The following P2RY12 variants were observed in gnomAD, a reference collection of about 807,000 sequenced individuals.
The protein encoded by P2RY12 is purinergic receptor P2Y12, also known as P2Y purinoceptor 12.
Under a neutral mutation model 4.5 loss-of-function variants are expected in P2RY12, and 3 were observed. The observed-to-expected ratio is 0.67, with a 90% CI of 0.31 to 1.74. The LOEUF (loss-of-function observed/expected upper bound fraction) is 1.74. P2RY12 is among the 40% of genes most tolerant of loss of function. The pLI is 0.09. For synonymous variants in P2RY12, 148 were observed against 154.1 expected, an observed-to-expected ratio of 0.96 and a Z score of 0.29; for missense variants, 356 against 407.8, an observed-to-expected ratio of 0.87 and a Z score of 1.09.
intron 1 of P2RY12, among the ~76,000 whole-genome samples, chr3:151,370,818 A>T (rs375743037): frequency 6.6e-6 from 1 of 152,242 alleles, no homozygotes; most frequent in Non-Finnish European, 1.5e-5. Context: ...TAAATGACAA[A>T]TATGCTAATG....
intron 1 of P2RY12, among the ~76,000 whole-genome samples, chr3:151,345,326 T>G (rs1214579648): frequency 3.3e-5 from 5 of 152,170 alleles, no homozygotes; most frequent in African/African-American, 1.2e-4. Flanking sequence ...GAGTAATTTT[T>G]GGGTGTTTAT....
Position 151,337,953 on chromosome 3 carries a change from T to C in P2RY12, c.893A>G (p.Tyr298Cys), listed in dbSNP as rs780595507. Reference protein sequence around the residue: ...SLNACLDPFIYFFLCKSFRNS... With the variant: ...SLNACLDPFICFFLCKSFRNS... Reference sequence around the variant, plus strand: ...TCTGAAGGACTTGCAAAGGAAAAAATAGATGAACGGATCCAGGCATGCATT... The same window carrying C: ...TCTGAAGGACTTGCAAAGGAAAAAACAGATGAACGGATCCAGGCATGCATT... The change falls in exon 3 of 3, where the codon TAT (tyrosine) becomes TGT (cysteine). Residue 298 changes from tyrosine (Y) to cysteine (C), a missense_variant. Transcript: ENST00000302632. 54 of 1,613,912 alleles carry C rather than the reference T, an allele frequency of 3.3e-5. No homozygotes were observed. Among genetic ancestry groups the C allele is most frequent in the Non-Finnish European group, 4.3e-5 (51 of 1,180,002 alleles).
intron 1 of P2RY12, among the ~76,000 whole-genome samples, chr3:151,348,464 C>A (rs1257092918): frequency 1.3e-5 from 2 of 151,822 alleles, no homozygotes; most frequent in Non-Finnish European, 2.9e-5. Context: ...CTAGGGATCA[C>A]TGCTTATGTC....
chr3:151,370,121 C>G (rs905425144), intron 1 of P2RY12, among the ~76,000 whole-genome samples: 10 of 151,964 alleles, frequency 6.6e-5, no homozygotes, highest in African/African-American at 2.4e-4. Context: ...TCATAATGTC[C>G]AAGATGTTCT....
At chr3:151,369,623 A>T (rs1168740711) in intron 1 of P2RY12, 2 of 977,154 alleles carry the variant, frequency 2.0e-6, no homozygotes, top group Non-Finnish European at 3.1e-6. Flanking sequence ...TTTCAGGTTT[A>T]AATCTAGTAG....
At chr3:151,344,058 A>G (rs1275886761) in intron 1 of P2RY12, among the ~76,000 whole-genome samples, 1 of 152,158 alleles carries the variant, frequency 6.6e-6, no homozygotes, top group Non-Finnish European at 1.5e-5. Flanking sequence ...AACAGGTTCC[A>G]AAAGTAACGA....
intron 1 of P2RY12, among the ~76,000 whole-genome samples, chr3:151,351,675 T>C (rs1753252754): frequency 6.6e-6 from 1 of 152,128 alleles, no homozygotes. Flanking sequence ...TACTTGGCAA[T>C]GGGGTAGGGG....
Position 151,349,968 on chromosome 3 carries a change from T to C in P2RY12, c.-179-9208A>G, listed in dbSNP as rs1036899547. On this transcript the variant is annotated intron_variant, in intron 1 of 2. Coordinates refer to ENST00000302632, the MANE Select transcript of P2RY12 (RefSeq NM_022788.5). ...GGGATGCCACCACCGCAAGCCAGCA[T>C]GGAGGTGCTGTGGTCAGTGCATTTC... is the stretch of plus-strand genomic sequence containing the variant. The C allele has an allele frequency of 3.1e-5, 37 of 1,183,216 alleles. 2 individuals carry two copies. The highest frequency in any genetic ancestry group is 2.3e-4 in the South Asian group (13 of 56,476). 73.3% of individuals were successfully genotyped at this position (1,183,216 alleles called of 1,614,324 possible).
chr3:151,361,267 C>G (rs1754580959), intron 1 of P2RY12, among the ~76,000 whole-genome samples: 1 of 152,060 alleles, frequency 6.6e-6, no homozygotes, highest in Admixed American at 6.6e-5. Context: ...TGCTGTTTAG[C>G]AGGTAACTTT....
At chr3:151,351,490 T>G (rs992949163) in intron 1 of P2RY12, among the ~76,000 whole-genome samples, 7 of 152,214 alleles carry the variant, frequency 4.6e-5, no homozygotes, top group African/African-American at 1.7e-4. Context: ...AACCTTCTTG[T>G]TGATGTGTCA....
In P2RY12 at chr3:151,361,967, G is replaced by A. The variant is rs183082024; in HGVS notation, c.-179-21207C>T. On this transcript the variant is annotated intron_variant, in intron 1 of 2. Transcript: ENST00000302632. ...TACTATAGATGGGTAGGAGGAGAGT[G>A]GTAGAAGGTAATAGCTAAGAAAACA... Among the ~76,000 whole-genome samples the A allele has an allele frequency of 2.6e-5, 4 of 152,176 alleles. No individual in the cohort carries two copies. In the East Asian group the frequency reaches 7.7e-4, roughly 29 times the overall value.
chr3:151,376,529 A>G (rs539335745), intron 1 of P2RY12, among the ~76,000 whole-genome samples: 1 of 152,332 alleles, frequency 6.6e-6, no homozygotes, highest in South Asian at 2.1e-4. Context: ...GATTGGTTAA[A>G]TAGATTTTGA....
intron 1 of P2RY12, chr3:151,368,145 C>G (rs748450749): frequency 6.2e-7 from 1 of 1,613,144 alleles, no homozygotes; most frequent in South Asian, 1.1e-5. Flanking sequence ...ATCCCCCTTT[C>G]CTAGCTTGTG....
At chr3:151,366,736 C>T (rs1262884306) in intron 1 of P2RY12, among the ~76,000 whole-genome samples, 1 of 152,086 alleles carries the variant, frequency 6.6e-6, no homozygotes, top group African/African-American at 2.4e-5. Context: ...TTGGATAATC[C>T]TATCTCTATA....
In P2RY12 at chr3:151,338,097, A is replaced by G; in HGVS notation, c.749T>C (p.Val250Ala). The G allele has an allele frequency of 6.2e-7, 1 of 1,614,042 alleles. No homozygotes were observed. Among genetic ancestry groups the G allele is most frequent in the East Asian group, 2.2e-5 (1 of 44,884 alleles). Residue 250 changes from valine to alanine, a missense_variant, in exon 3 of 3, where the codon GTT becomes GCT. Val to Ala is a moderately conservative substitution (Grantham distance 64). Transcript: ENST00000302632. ...AGGAATTCGGGCAAAATGGAAAGGA[A>G]CAAAACAAATAAAGAATACAGCAAT... Reference protein sequence around the residue: ...IIIAVFFICFVPFHFARIPYT... With the variant: ...IIIAVFFICFAPFHFARIPYT...
intron 1 of P2RY12, chr3:151,376,655 A>C: frequency 1.5e-6 from 1 of 679,474 alleles, no homozygotes; most frequent in Non-Finnish European, 2.5e-6. Flanking sequence ...ATATGCAGCA[A>C]GATTGGGAAC....
intron 1 of P2RY12, among the ~76,000 whole-genome samples, chr3:151,370,683 A>G (rs1215520221): frequency 2.0e-5 from 3 of 152,210 alleles, no homozygotes; most frequent in Admixed American, 6.5e-5. Flanking sequence ...GGTTCTACTT[A>G]ATAAATAAAT....
intron 1 of P2RY12, among the ~76,000 whole-genome samples, chr3:151,353,951 C>T (rs2150039950): frequency 6.6e-6 from 1 of 151,690 alleles, no homozygotes; most frequent in African/African-American, 2.4e-5. Flanking sequence ...ACCATCCCGG[C>T]TAACACGGTG....
Position 151,336,881 on chromosome 3 carries a change from A to G in P2RY12, c.*936T>C, listed in dbSNP as rs1751064968. ...TTAATGTAAATTTTGTATTTTATAC[A>G]CACCAATACAAACAAGTAATTACAA... On this transcript the variant is annotated 3_prime_UTR_variant, in exon 3 of 3. Transcript: ENST00000302632. 1.7e-5 allele frequency: 3 copies of G among 175,520 alleles called. No homozygotes were observed. The Admixed American group carries it at 1.8e-4, about 11-fold the overall frequency. The allele number at this position is 175,520 out of a possible 1,614,324, so 10.9% of individuals were successfully genotyped here. A position where few individuals can be genotyped will look rare whatever the true frequency, so the allele number is the denominator to read the frequency against.
Sources: gnomAD v4.1 joint callset for allele counts (sites outside exome capture counted in the v4.1 genomes callset) on GRCh38, gnomAD v4.1.1 for gene constraint, MANE v1.5 for transcripts, NCBI Gene and HGNC (gene_info 2026-07-23, HGNC 2026-07-21) for gene names.